MCOLN2: variants seen among roughly 807,000 people sequenced by gnomAD.
MCOLN2 encodes mucolipin-2.
In MCOLN2, 57 loss-of-function variants were observed where a neutral mutation model predicts 67.5. The ratio of observed to expected loss-of-function variants is 0.84; its 90% confidence interval spans 0.68 to 1.05. The LOEUF is 1.05. MCOLN2 is among the 50% of genes least tolerant of loss of function. The pLI is 0.00. For missense variants in MCOLN2, 620 were observed against 678.8 expected, an observed-to-expected ratio of 0.91 and a Z score of 0.96; for synonymous variants, 246 against 233.3, an observed-to-expected ratio of 1.05 and a Z score of -0.50.
At position 84,952,347 on chromosome 1, in the gene MCOLN2, A is replaced by C; in HGVS notation, c.651-8T>G. ...ATTTCAACCTGTAAGAGCCTGAATA[A>C]AATATATTGAAAGGTATAAATTGTC... On this transcript the variant is annotated splice_polypyrimidine_tract_variant and splice_region_variant and intron_variant, in intron 5 of 13. Transcript: ENST00000370608. 1 of 1,604,888 alleles carries C rather than the reference A, an allele frequency of 6.2e-7. No homozygotes were observed. Among genetic ancestry groups the C allele is most frequent in the Non-Finnish European group, 8.5e-7 (1 of 1,172,036 alleles).
At chr1:84,928,559 T>G (rs1035176416) in intron 13 of MCOLN2, among the ~76,000 whole-genome samples, 4 of 152,192 alleles carry the variant, frequency 2.6e-5, no homozygotes, top group Non-Finnish European at 5.9e-5. Context: ...ATCCCCCTTA[T>G]AGTAAAAAAG....
rs374884833 is a variant in MCOLN2 at position 84,933,612 on chromosome 1, T to A, written c.1336-2044A>T. On this transcript the variant is annotated intron_variant, in intron 11 of 13. Coordinates refer to ENST00000370608, the MANE Select transcript of MCOLN2 (RefSeq NM_153259.4). ...TGACATTAAAGTTGGTTTCTATGGA[T>A]GTCAACTACAACTCTGACAGCACCA... Among the ~76,000 whole-genome samples the A allele has an allele frequency of 3.2e-4, 48 of 152,364 alleles. 3 individuals are homozygous for A. In the South Asian group the frequency reaches 5.6e-3, roughly 18 times the overall value.
At chr1:84,958,480 A>T in intron 3 of MCOLN2, 49 bp downstream of exon 3, 2 of 1,449,246 alleles carry the variant, frequency 1.4e-6, no homozygotes, top group Non-Finnish European at 1.9e-6. Context: ...GACAAGGCCA[A>T]GTATCAATAC....
chr1:84,965,523 C>A, intron 2 of MCOLN2, 26 bp downstream of exon 2: 1 of 1,605,630 alleles, frequency 6.2e-7, no homozygotes, highest in Non-Finnish European at 8.5e-7. Flanking sequence ...AAGGGAAAAA[C>A]CAAATGAAAT....
At chr1:84,972,280 A>G (rs1429436605) in intron 1 of MCOLN2, among the ~76,000 whole-genome samples, 3 of 152,228 alleles carry the variant, frequency 2.0e-5, no homozygotes, top group African/African-American at 7.2e-5. Context: ...GCTGTCATGC[A>G]ATTGAAATTG....
intron 1 of MCOLN2, among the ~76,000 whole-genome samples, chr1:84,976,348 A>G (rs977995507): frequency 6.6e-6 from 1 of 152,268 alleles, no homozygotes; most frequent in Non-Finnish European, 1.5e-5. Flanking sequence ...TAGACTTTTC[A>G]GTGGAAACCT....
At chr1:84,958,767 C>A in intron 2 of MCOLN2, 65 bp from the exon 3 acceptor site, 1 of 1,229,744 alleles carries the variant, frequency 8.1e-7, no homozygotes, top group South Asian at 1.6e-5. Context: ...CAAATGTCTT[C>A]TCACTATCAT....
chr1:84,946,111 C>T (rs757886993), intron 7 of MCOLN2, among the ~76,000 whole-genome samples: 9 of 152,156 alleles, frequency 5.9e-5, no homozygotes, highest in Non-Finnish European at 1.0e-4. Context: ...GTAAATGACT[C>T]AGCATTTGCA....
rs549851597 is a variant in MCOLN2 at position 84,960,957 on chromosome 1, T to C, written c.238-2255A>G. Among the ~76,000 whole-genome samples, 10 of 152,314 alleles carry C rather than the reference T, an allele frequency of 6.6e-5. No homozygotes were observed. In the East Asian group the frequency reaches 1.9e-3, roughly 29 times the overall value. On this transcript the variant is annotated intron_variant, in intron 2 of 13. Transcript: ENST00000370608. ...CAGGCATTGTGCTAAAATTTATAATTATTATTTCTCATTTAATTCTCAACA... is the reference window on the plus strand; with the variant it reads ...CAGGCATTGTGCTAAAATTTATAATCATTATTTCTCATTTAATTCTCAACA...
At chr1:84,950,813 C>T (rs553689511) in intron 6 of MCOLN2, among the ~76,000 whole-genome samples, 49 of 152,284 alleles carry the variant, frequency 3.2e-4, no homozygotes, top group Middle Eastern at 3.4e-3. Context: ...ATACCATCCT[C>T]ATTTCTATAC....
intron 1 of MCOLN2, among the ~76,000 whole-genome samples, chr1:84,986,527 G>C (rs1466043051): frequency 3.0e-5 from 3 of 99,392 alleles, no homozygotes; most frequent in Non-Finnish European, 5.7e-5. Context: ...TGGGTAACAA[G>C]ATCAAAACTC....
At chr1:84,960,872 T>G (rs597704) in intron 2 of MCOLN2, among the ~76,000 whole-genome samples, 53,200 of 152,060 alleles carry the variant, frequency 0.35, 9,633 homozygotes, top group African/African-American at 0.42. Context: ...GCCAAGCTGG[T>G]ATACAACGTG....
chr1:84,994,416 T>C (rs1318628709), intron 1 of MCOLN2, among the ~76,000 whole-genome samples: 2 of 152,250 alleles, frequency 1.3e-5, no homozygotes, highest in Non-Finnish European at 2.9e-5. Flanking sequence ...TTGTCTACAT[T>C]GAAAATCTGT....
At chr1:84,956,701 T>A in intron 3 of MCOLN2, 117 bp from the exon 4 acceptor site, 1 of 791,892 alleles carries the variant, frequency 1.3e-6, no homozygotes, top group South Asian at 2.1e-5. Context: ...TGGCTCTCAA[T>A]AGAACTTCCC....
chr1:84,951,645 T>TA (rs1374218723), intron 6 of MCOLN2, among the ~76,000 whole-genome samples: 5 of 152,356 alleles, frequency 3.3e-5, no homozygotes, highest in African/African-American at 9.6e-5. Flanking sequence ...ATAAACATTT[T>TA]AAAAAATGTA....
At chr1:84,986,016 G>A (rs996660551) in intron 1 of MCOLN2, among the ~76,000 whole-genome samples, 1 of 152,090 alleles carries the variant, frequency 6.6e-6, no homozygotes, top group Admixed American at 6.5e-5. Flanking sequence ...CAAATCTGGA[G>A]GCATCACATT....
chr1:84,975,041 T>C (rs906016176), intron 1 of MCOLN2, among the ~76,000 whole-genome samples: 1 of 152,180 alleles, frequency 6.6e-6, no homozygotes, highest in Non-Finnish European at 1.5e-5. Context: ...CTAGGTAGAC[T>C]TCTAAGGTTT....
At chr1:84,951,316 A>G (rs1306056108) in intron 6 of MCOLN2, among the ~76,000 whole-genome samples, 2 of 152,256 alleles carry the variant, frequency 1.3e-5, no homozygotes, top group Admixed American at 1.3e-4. Flanking sequence ...AGGACAGTAT[A>G]TACAACTTTC....
chr1:84,953,376 G>A (rs1962897), intron 4 of MCOLN2, among the ~76,000 whole-genome samples: 8,728 of 151,908 alleles, frequency 0.057, 395 homozygotes, highest in East Asian at 0.2. Context: ...ATGGTGAAAC[G>A]CCGTCTCTAC....
Sources: allele counts gnomAD v4.1 joint callset (sites outside exome capture counted in the v4.1 genomes callset), GRCh38; gene constraint gnomAD v4.1.1; transcripts MANE v1.5; gene names NCBI Gene and HGNC (gene_info 2026-07-23, HGNC 2026-07-21).